Variants in NAV3 observed in about 807,000 individuals in gnomAD.
The protein encoded by NAV3 is pore membrane and/or filament interacting like protein 1.
NAV3 carries 87 observed loss-of-function variants against 244.7 expected under a neutral mutation model. That is an observed-to-expected ratio of 0.36 (90% confidence interval 0.30 to 0.42). The LOEUF (loss-of-function observed/expected upper bound fraction) is 0.42, where lower values mean the gene tolerates loss of function less well. Ranked by LOEUF, NAV3 falls within the 20% of genes least tolerant of loss-of-function variation. The pLI is 1.00. For synonymous variants in NAV3, 1,126 were observed against 1,042.2 expected, an observed-to-expected ratio of 1.08 and a Z score of -1.55; for missense variants, 2,663 against 2,893.3, an observed-to-expected ratio of 0.92 and a Z score of 1.83.
In NAV3 at chr12:78,118,145, C is replaced by T; in HGVS notation, c.2888C>T (p.Thr963Ile). 1 of 1,614,068 alleles carries T rather than the reference C, an allele frequency of 6.2e-7. No homozygotes were observed. The highest frequency in any genetic ancestry group is 8.5e-7 in the Non-Finnish European group (1 of 1,180,028). The change falls in exon 14 of 40, where the codon ACT becomes ATT. Residue 963 changes from threonine (T) to isoleucine (I), a missense_variant. Physicochemically the swap from Thr to Ile is moderately conservative, Grantham distance 89. Coordinates refer to ENST00000397909, the MANE Select transcript of NAV3 (RefSeq NM_001024383.2). Reference protein sequence around the residue: ...SHGDAGGKWKTVSSGLPEDPE... With the variant: ...SHGDAGGKWKIVSSGLPEDPE... Reference sequence around the variant, plus strand: ...GGGGATGCTGGTGGCAAGTGGAAGACTGTGTCCTCTGGACTTCCTGAAGAC... The same window carrying T: ...GGGGATGCTGGTGGCAAGTGGAAGATTGTGTCCTCTGGACTTCCTGAAGAC...
chr12:77,782,656 A>T (rs994010883), intron 2 of NAV3, among the ~76,000 whole-genome samples: 2 of 152,280 alleles, frequency 1.3e-5, no homozygotes, highest in Non-Finnish European at 2.9e-5. Context: ...CACAGTTTTC[A>T]TCCTCTGCAT....
chr12:77,955,488 G>A (rs1731756), intron 3 of NAV3, among the ~76,000 whole-genome samples: 150,645 of 152,270 alleles, frequency 0.99, 74,542 homozygotes, highest in Middle Eastern at 1. Context: ...TGACAACTTC[G>A]AAATAACATA....
intron 5 of NAV3, among the ~76,000 whole-genome samples, chr12:77,973,731 C>T (rs1235368518): frequency 1.3e-5 from 2 of 152,010 alleles, no homozygotes; most frequent in African/African-American, 2.4e-5. Context: ...GGTTATAAAT[C>T]TTGAGAAGTA....
At position 77,913,077 on chromosome 12, in the gene NAV3, GA is replaced by G. The variant is rs573007915; in HGVS notation, c.244-27235del. On this transcript the variant is annotated intron_variant, in intron 1 of 39. Transcript: ENST00000397909. Reference sequence around the variant, plus strand: ...AGCTTCCAAAGTCAACTTGTGACATGAAAAAAATGCATGGTGAAAAAATTCT... The same window carrying G: ...AGCTTCCAAAGTCAACTTGTGACATGAAAAAATGCATGGTGAAAAAATTCT... Among the ~76,000 whole-genome samples the G allele has an allele frequency of 6.0e-3, 918 of 151,988 alleles. 12 individuals are homozygous for G. The highest frequency in any genetic ancestry group is 0.02 in the African/African-American group (849 of 41,496).
chr12:77,613,574 C>T (rs1871017721), intron 2 of NAV3, among the ~76,000 whole-genome samples: 1 of 152,118 alleles, frequency 6.6e-6, no homozygotes, highest in African/African-American at 2.4e-5. Flanking sequence ...TTACAGAGTA[C>T]AGCGAAGGGA....
chr12:77,713,438 A>T (rs980461851), intron 2 of NAV3, among the ~76,000 whole-genome samples: 1 of 152,206 alleles, frequency 6.6e-6, no homozygotes, highest in Non-Finnish European at 1.5e-5. Context: ...TGTGACTTAC[A>T]TAATGAATAC....
At chr12:78,016,174 G>A (rs967567581) in intron 8 of NAV3, among the ~76,000 whole-genome samples, 7 of 150,774 alleles carry the variant, frequency 4.6e-5, no homozygotes, top group African/African-American at 1.7e-4. Context: ...TTTTGTATAG[G>A]GTGATTTTAG....
intron 5 of NAV3, among the ~76,000 whole-genome samples, chr12:77,976,520 G>T (rs1050991605): frequency 6.6e-6 from 1 of 151,790 alleles, no homozygotes; most frequent in Non-Finnish European, 1.5e-5. Flanking sequence ...TGCAGAAAGC[G>T]TTCAATGGAG....
intron 2 of NAV3, among the ~76,000 whole-genome samples, chr12:77,803,513 T>C (rs1358112875): frequency 6.6e-6 from 1 of 152,206 alleles, no homozygotes; most frequent in Non-Finnish European, 1.5e-5. Context: ...ACATTTTCTT[T>C]ATCCAGTCTG....
intron 2 of NAV3, among the ~76,000 whole-genome samples, chr12:77,660,096 AG>A (rs1248201710): frequency 6.6e-6 from 1 of 152,158 alleles, no homozygotes; most frequent in African/African-American, 2.4e-5. Context: ...GTACCCTAAA[AG>A]TTAAAGTATC....
intron 9 of NAV3, among the ~76,000 whole-genome samples, chr12:78,032,729 A>G (rs1444879410): frequency 6.6e-6 from 1 of 152,212 alleles, no homozygotes; most frequent in Non-Finnish European, 1.5e-5. Flanking sequence ...TTAATGGTAC[A>G]GATTTTACTG....
intron 2 of NAV3, among the ~76,000 whole-genome samples, chr12:77,587,328 C>A (rs1441371702): frequency 1.3e-5 from 2 of 151,964 alleles, no homozygotes; most frequent in African/African-American, 2.4e-5. Context: ...AAAAAGAAAC[C>A]ATAAAATACT....
intron 2 of NAV3, among the ~76,000 whole-genome samples, chr12:77,786,866 C>T (rs1565813617): frequency 2.0e-5 from 3 of 152,098 alleles, no homozygotes; most frequent in African/African-American, 4.8e-5. Context: ...GACCTTTAGT[C>T]TCGATGTACC....
chr12:77,856,127 GAGA>G (rs1878360820), intron 1 of NAV3, among the ~76,000 whole-genome samples: 1 of 152,088 alleles, frequency 6.6e-6, no homozygotes, highest in Non-Finnish European at 1.5e-5. Flanking sequence ...ATGTTGTGGA[GAGA>G]AGATGAGCAC....
intron 2 of NAV3, among the ~76,000 whole-genome samples, chr12:77,752,575 C>G (rs967769686): frequency 2.0e-5 from 3 of 152,166 alleles, no homozygotes; most frequent in Admixed American, 2.0e-4. Flanking sequence ...TGCTGCAATT[C>G]TACCGAACTG....
chr12:77,823,397 T>C (rs554922213), intron 2 of NAV3, among the ~76,000 whole-genome samples: 1 of 152,066 alleles, frequency 6.6e-6, no homozygotes, highest in South Asian at 2.1e-4. Context: ...ACAGAGGACT[T>C]ATAGAGGAAA....
At chr12:78,071,987 G>T (rs1447006417) in intron 12 of NAV3, among the ~76,000 whole-genome samples, 1 of 152,028 alleles carries the variant, frequency 6.6e-6, no homozygotes, top group Non-Finnish European at 1.5e-5. Context: ...TTGAAACCAA[G>T]GAGAACAAAG....
chr12:78,113,290 C>T (rs563605613), intron 12 of NAV3, among the ~76,000 whole-genome samples: 5 of 152,228 alleles, frequency 3.3e-5, no homozygotes, highest in Non-Finnish European at 7.3e-5. Context: ...CACAGATCCA[C>T]TAGGCAGTAC....
chr12:77,899,997 T>C (rs1885079239), intron 1 of NAV3, among the ~76,000 whole-genome samples: 1 of 152,078 alleles, frequency 6.6e-6, no homozygotes, highest in African/African-American at 2.4e-5. Context: ...GTGAGAATAG[T>C]ATCCAACAGG....
Sources: gnomAD v4.1 joint callset for allele counts (sites outside exome capture counted in the v4.1 genomes callset) on GRCh38, gnomAD v4.1.1 for gene constraint, MANE v1.5 for transcripts, NCBI Gene and HGNC (gene_info 2026-07-23, HGNC 2026-07-21) for gene names.